Variants in TRIM49C observed in about 807,000 individuals in gnomAD.
TRIM49C encodes the protein tripartite motif-containing protein 49C.
Under a neutral mutation model 21.4 loss-of-function variants are expected in TRIM49C, and 6 were observed. The ratio of observed to expected loss-of-function variants is 0.28; its 90% CI spans 0.15 to 0.55. TRIM49C has a LOEUF of 0.55. Ranked by LOEUF, TRIM49C falls within the 20% of genes least tolerant of loss-of-function variation. The pLI is 0.94. For missense variants in TRIM49C, 161 were observed against 442.4 expected (o/e 0.36, Z 5.71); for synonymous variants, 57 against 148.1 (o/e 0.38, Z 4.47).
chr11:90,071,894 G>T, the TRIM49C span: 3 of 547,826 alleles, frequency 5.5e-6, no homozygotes, highest in Non-Finnish European at 9.5e-6. Context: ...TAGAAGAAGA[G>T]AATAGTCTGT....
chr11:90,035,879 C>T lies in TRIM49C; in HGVS notation c.412-9C>T. ...TGCACTGGTGCTTCAATTTATGGCT[C>T]TTTTGCAGGAGAAGCTTTTACAGAA... On this transcript the variant is annotated splice_polypyrimidine_tract_variant and intron_variant, in intron 3 of 7. Coordinates refer to ENST00000448984, the MANE Select transcript of TRIM49C (RefSeq NM_001195234.1). 1 of 820,176 alleles carries T rather than the reference C, an allele frequency of 1.2e-6. No individual in the cohort carries two copies. Among genetic ancestry groups the T allele is most frequent in the Non-Finnish European group, 1.6e-6 (1 of 609,408 alleles). The allele number at this position is 820,176 out of a possible 1,614,324, so 50.8% of individuals were successfully genotyped here.
At chr11:90,039,371 T>C (rs1422797744) in intron 6 of TRIM49C, among the ~76,000 whole-genome samples, 1 of 129,794 alleles carries the variant, frequency 7.7e-6, no homozygotes, top group African/African-American at 2.9e-5. Context: ...TTTATACATA[T>C]ATACATATCA....
At chr11:90,042,550 T>G (rs2134826259), downstream of TRIM49C, among the ~76,000 whole-genome samples, 1 of 122,632 alleles carries the variant, frequency 8.2e-6, no homozygotes, top group African/African-American at 3.2e-5. Context: ...GTGCTCACTT[T>G]CATTAGTCTT....
the TRIM49C span, chr11:90,053,639 C>T: frequency 6.6e-6 from 1 of 152,352 alleles, no homozygotes; most frequent in East Asian, 2.0e-4. Context: ...TCAGTGCGGT[C>T]CTCCTCGACC....
chr11:90,049,314 G>C, the TRIM49C span, among the ~76,000 whole-genome samples: 2 of 86,394 alleles, frequency 2.3e-5, 1 homozygote, highest in African/African-American at 1.0e-4. Flanking sequence ...AGTCTGCAGC[G>C]GTTTCTGCTG....
the TRIM49C span, among the ~76,000 whole-genome samples, chr11:90,055,526 G>GTTTTC: frequency 2.8e-4 from 43 of 151,684 alleles, no homozygotes; most frequent in African/African-American, 9.9e-4. Context: ...CATTTAATTT[G>GTTTTC]TTTTCTGAAT....
At chr11:90,070,751 C>T in the TRIM49C span, among the ~76,000 whole-genome samples, 1 of 141,026 alleles carries the variant, frequency 7.1e-6, no homozygotes, top group Non-Finnish European at 1.5e-5. Context: ...GTTTTCAAAA[C>T]CTAAAGAGCA....
chr11:90,036,108 A>G lies in TRIM49C; in HGVS notation c.507+125A>G. 8 of 1,178,100 alleles carry G rather than the reference A, an allele frequency of 6.8e-6. 1 individual carries two copies. Among genetic ancestry groups the G allele is most frequent in the Non-Finnish European group, 8.8e-6 (8 of 912,422 alleles). The allele number at this position is 1,178,100 out of a possible 1,614,324, so 73.0% of individuals were successfully genotyped here. On this transcript the variant is annotated intron_variant, in intron 4 of 7. Transcript: ENST00000448984. Reference sequence around the variant, plus strand: ...TACAGTAAAAAAAAAAAGGCGAGAGAAAACATTGAGAAAAAGTGGCCTCAT... The same window carrying G: ...TACAGTAAAAAAAAAAAGGCGAGAGGAAACATTGAGAAAAAGTGGCCTCAT...
At chr11:90,053,734 A>G in the TRIM49C span, 1 of 145,146 alleles carries the variant, frequency 6.9e-6, no homozygotes, top group South Asian at 2.3e-4. Context: ...CAGCAGCACC[A>G]TGCCGGAGGC....
the TRIM49C span, among the ~76,000 whole-genome samples, chr11:90,066,980 C>T: frequency 7.3e-6 from 1 of 137,178 alleles, no homozygotes; most frequent in African/African-American, 2.6e-5. Flanking sequence ...GTTGGCCAGG[C>T]TGGACTCGAA....
chr11:90,071,481 T>C, the TRIM49C span, among the ~76,000 whole-genome samples: 1 of 143,644 alleles, frequency 7.0e-6, no homozygotes, highest in African/African-American at 2.5e-5. Context: ...AACTATTTGG[T>C]GGCAGATAGG....
At chr11:90,038,658 A>C (rs4088529) in intron 5 of TRIM49C, 35 bp from the exon 6 acceptor site, 139,368 of 858,624 alleles carry the variant, frequency 0.16, 19,588 homozygotes, top group African/African-American at 0.36. Flanking sequence ...ATCTTGTGAA[A>C]TGCACTAAAT....
the TRIM49C span, among the ~76,000 whole-genome samples, chr11:90,068,612 T>C: frequency 1.4e-5 from 2 of 143,246 alleles, no homozygotes; most frequent in Non-Finnish European, 3.0e-5. Context: ...AATGCAGAAA[T>C]GAACAAATGA....
At chr11:90,048,383 C>A in the TRIM49C span, among the ~76,000 whole-genome samples, 1 of 123,042 alleles carries the variant, frequency 8.1e-6, no homozygotes, top group Non-Finnish European at 1.7e-5. Flanking sequence ...CGTTTCCATA[C>A]TCCCCATCAC....
At chr11:90,046,955 G>C (rs141123979), downstream of TRIM49C, among the ~76,000 whole-genome samples, 7,066 of 122,428 alleles carry the variant, frequency 0.058, 1,569 homozygotes, top group Non-Finnish European at 0.07. Context: ...CCCAGAGATT[G>C]CAGTGTGTTG....
chr11:90,038,746 T>A, intron 6 of TRIM49C, 31 bp downstream of exon 6: 1 of 913,940 alleles, frequency 1.1e-6, no homozygotes, highest in Middle Eastern at 2.5e-4. Context: ...TAGCATATGT[T>A]CTTTAAGATT....
chr11:90,056,050 C>G, the TRIM49C span, among the ~76,000 whole-genome samples: 3 of 133,370 alleles, frequency 2.2e-5, 1 homozygote, highest in Non-Finnish European at 4.9e-5. Context: ...GCTCCGCCTC[C>G]CAGGTTCACG....
chr11:90,043,852 T>A (rs1950786578), downstream of TRIM49C, among the ~76,000 whole-genome samples: 1 of 116,014 alleles, frequency 8.6e-6, no homozygotes, highest in Non-Finnish European at 1.7e-5. Flanking sequence ...TATGTATACA[T>A]GTGCCATGTT....
chr11:90,034,616 A>G (rs1950711763), intron 2 of TRIM49C, among the ~76,000 whole-genome samples: 1 of 119,836 alleles, frequency 8.3e-6, no homozygotes, highest in Admixed American at 9.3e-5. Context: ...GCTTTTTTTA[A>G]ATTTTGTTTT....
Sources: allele counts gnomAD v4.1 joint callset (sites outside exome capture counted in the v4.1 genomes callset), GRCh38; gene constraint gnomAD v4.1.1; transcripts MANE v1.5; gene names NCBI Gene and HGNC (gene_info 2026-07-23, HGNC 2026-07-21).